Variants in EEA1 observed in about 807,000 individuals in gnomAD.
EEA1 encodes early endosome antigen 1, 162kD.
In EEA1, 111 loss-of-function variants were observed where a neutral mutation model predicts 209.2. The ratio of observed to expected loss-of-function variants is 0.53; its 90% CI spans 0.45 to 0.62. The LOEUF (loss-of-function observed/expected upper bound fraction) is 0.62. Ranked by LOEUF, EEA1 falls within the 20% of genes least tolerant of loss-of-function variation. EEA1 has a pLI of 0.00. For synonymous variants in EEA1, 536 were observed against 540.6 expected, an observed-to-expected ratio of 0.99 and a Z score of 0.12; for missense variants, 1,343 against 1,530.8, an observed-to-expected ratio of 0.88 and a Z score of 2.05.
Position 92,902,883 on chromosome 12 carries a change from A to G in EEA1, c.25-11162T>C, listed in dbSNP as rs137945246. 1.9e-3 allele frequency among the ~76,000 whole-genome samples: 288 copies of G among 151,964 alleles called. 1 individual carries two copies. The highest frequency in any genetic ancestry group is 6.6e-3 in the African/African-American group (275 of 41,452). On this transcript the variant is annotated intron_variant, in intron 1 of 28. Transcript: ENST00000322349. Reference sequence around the variant, plus strand: ...AGCTTATAAATCATAAGCAACCTATATGTTCAAAATGAAGAAACTGTTAAC... The same window carrying G: ...AGCTTATAAATCATAAGCAACCTATGTGTTCAAAATGAAGAAACTGTTAAC...
intron 17 of EEA1, among the ~76,000 whole-genome samples, chr12:92,810,331 A>G (rs1875427449): frequency 6.6e-6 from 1 of 152,158 alleles, no homozygotes; most frequent in African/African-American, 2.4e-5. Context: ...ATAAAAACTC[A>G]GTTCTAAATA....
chr12:92,877,113 T>TTTTTTTC (rs1285007980), intron 2 of EEA1, among the ~76,000 whole-genome samples: 1 of 150,330 alleles, frequency 6.7e-6, no homozygotes, highest in African/African-American at 2.4e-5. Context: ...CCAGCTAAAT[T>TTTTTTTC]TTTTTTCTTT....
At chr12:92,903,630 T>C (rs2136768432) in intron 1 of EEA1, among the ~76,000 whole-genome samples, 1 of 151,668 alleles carries the variant, frequency 6.6e-6, no homozygotes, top group East Asian at 1.9e-4. Context: ...ATGCATATGA[T>C]ATATGATACA....
chr12:92,773,047 C>T lies in EEA1; in HGVS notation c.*2964G>A, dbSNP rs1279820403. ...AATAATGTGTGGCACGTTATAATTA[C>T]AGAATACCATTCATCAAGCTCATGT... On this transcript the variant is annotated 3_prime_UTR_variant, in exon 29 of 29. Transcript: ENST00000322349. 2.6e-5 allele frequency: 4 copies of T among 152,224 alleles called. No homozygotes were observed. The highest frequency in any genetic ancestry group is 6.8e-3 in the Middle Eastern group (2 of 294). The allele number at this position is 152,224 out of a possible 1,614,324, so 9.4% of individuals were successfully genotyped here.
chr12:92,779,587 C>T (rs1308875482), intron 24 of EEA1, among the ~76,000 whole-genome samples: 1 of 152,040 alleles, frequency 6.6e-6, no homozygotes, highest in Non-Finnish European at 1.5e-5. Flanking sequence ...TTAACATTTA[C>T]TGGTCATCAT....
chr12:92,794,289 A>G (rs931426517), intron 21 of EEA1, among the ~76,000 whole-genome samples: 4 of 152,230 alleles, frequency 2.6e-5, no homozygotes, highest in Non-Finnish European at 5.9e-5. Context: ...GTGGGAGTGT[A>G]AATTAGTTCA....
At chr12:92,895,875 A>G (rs905100621) in intron 1 of EEA1, among the ~76,000 whole-genome samples, 1 of 152,216 alleles carries the variant, frequency 6.6e-6, no homozygotes, top group African/African-American at 2.4e-5. Context: ...AACCTTCATA[A>G]TGACTGTGAG....
At chr12:92,801,513 A>G (rs1874907105) in intron 20 of EEA1, 87 bp downstream of exon 20, 1 of 874,660 alleles carries the variant, frequency 1.1e-6, no homozygotes, top group African/African-American at 1.8e-5. Flanking sequence ...AATGCCCCCA[A>G]GAACAAACAT....
rs1214155455 is a variant in EEA1, at chr12:92,824,293, T to A, written c.1524+1873A>T. Among the ~76,000 whole-genome samples, 6 of 152,238 alleles carry A rather than the reference T, an allele frequency of 3.9e-5. No homozygotes were observed. The East Asian group carries it at 1.2e-3, about 29-fold the overall frequency. ...AAGCTACATCATTTCTTGTCTGGAT[T>A]ATTGTAGTAGCCTTTTAGCTAATTT... On this transcript the variant is annotated intron_variant, in intron 13 of 28. Transcript: ENST00000322349.
In EEA1 at chr12:92,772,092, G is replaced by GA. The variant is rs1024115246; in HGVS notation, c.*3918dup. 3.3e-5 allele frequency: 5 copies of GA among 151,426 alleles called. No homozygotes were observed. The highest frequency in any genetic ancestry group is 2.0e-4 in the Admixed American group (3 of 15,170). The allele number at this position is 151,426 out of a possible 1,614,324, so 9.4% of individuals were successfully genotyped here. On this transcript the variant is annotated 3_prime_UTR_variant, in exon 29 of 29. Transcript: ENST00000322349. ...ATTCTAGAACCGTGGCTCCCAGGAAGAAAAAATAGCAAAAAACAATGGCAC... is the reference window on the plus strand; with the variant it reads ...ATTCTAGAACCGTGGCTCCCAGGAAGAAAAAAATAGCAAAAAACAATGGCAC...
chr12:92,882,915 T>A (rs1231612945), intron 2 of EEA1, among the ~76,000 whole-genome samples: 1 of 152,204 alleles, frequency 6.6e-6, no homozygotes, highest in Non-Finnish European at 1.5e-5. Context: ...TAGAACAGTT[T>A]GTTTTGTTCA....
rs545937974 is a variant in EEA1 at position 92,926,126 on chromosome 12, T to G, written c.24+2917A>C. The stretch of plus-strand genomic sequence containing the variant: ...CTCCTACCTCAGCCTCCTGAGTCGC[T>G]GGGATTATAGGCATGCACCACCACT... On this transcript the variant is annotated intron_variant, in intron 1 of 28. Transcript: ENST00000322349. Among the ~76,000 whole-genome samples the G allele has an allele frequency of 2.6e-5, 4 of 152,176 alleles. No individual in the cohort carries two copies. In the East Asian group the frequency reaches 7.7e-4, roughly 29 times the overall value.
At chr12:92,839,796 G>A (rs971446241) in intron 10 of EEA1, among the ~76,000 whole-genome samples, 14 of 152,182 alleles carry the variant, frequency 9.2e-5, no homozygotes, top group African/African-American at 2.9e-4. Context: ...ATCATTTTGA[G>A]AATGTAAAAA....
At position 92,814,754 on chromosome 12, in the gene EEA1, A is replaced by G. The variant is rs535930038; in HGVS notation, c.1929+1446T>C. On this transcript the variant is annotated intron_variant, in intron 15 of 28. Transcript: ENST00000322349. Reference sequence around the variant, plus strand: ...ACAGTAAAAGCAGTGAAGTGCCCTCATACATGTGCATAATAATGTACCTTG... The same window carrying G: ...ACAGTAAAAGCAGTGAAGTGCCCTCGTACATGTGCATAATAATGTACCTTG... Among the ~76,000 whole-genome samples the G allele has an allele frequency of 7.2e-5, 11 of 152,340 alleles. No homozygotes were observed. The South Asian group carries it at 2.1e-3, about 29-fold the overall frequency.
chr12:92,789,448 T>C (rs989542401), intron 21 of EEA1, among the ~76,000 whole-genome samples: 2 of 152,094 alleles, frequency 1.3e-5, no homozygotes, highest in African/African-American at 4.8e-5. Context: ...GGTTCTTATA[T>C]CCATGTATCT....
intron 25 of EEA1, 82 bp from the exon 26 acceptor site, chr12:92,778,261 A>G (rs1873748672): frequency 8.9e-7 from 1 of 1,121,378 alleles, no homozygotes; most frequent in African/African-American, 1.6e-5. Context: ...CATTTAAAAT[A>G]CTGGCAATTT....
At chr12:92,807,679 A>G (rs1054773351) in intron 18 of EEA1, among the ~76,000 whole-genome samples, 2 of 152,176 alleles carry the variant, frequency 1.3e-5, no homozygotes, top group African/African-American at 4.8e-5. Flanking sequence ...TACATTTACA[A>G]TAGCATTAAA....
In EEA1 at chr12:92,842,546, T is replaced by A. The variant is rs774617190; in HGVS notation, c.834A>T (p.Lys278Asn). Residue 278 changes from lysine to asparagine, a missense_variant, in exon 10 of 29, where the codon AAA (lysine) becomes AAT (asparagine). Transcript: ENST00000322349. ...CATATACAGCAACTTCCTGGGGGCCTTTGGCAAGTTCACTCCTTAGCTGGC... is the reference window on the plus strand; with the variant it reads ...CATATACAGCAACTTCCTGGGGGCCATTGGCAAGTTCACTCCTTAGCTGGC... ...TISQLRSELA[K>N]GPQEVAVYVQ... The A allele has an allele frequency of 6.2e-7, 1 of 1,606,802 alleles. No individual in the cohort carries two copies. Among genetic ancestry groups the A allele is most frequent in the Admixed American group, 1.7e-5 (1 of 58,958 alleles).
chr12:92,809,061 G>A lies in EEA1; in HGVS notation c.2295C>T (p.Leu765=), dbSNP rs763922088. The change falls in exon 18 of 29, where the codon CTC becomes CTT. Residue 765 remains leucine (L), a synonymous_variant. Transcript: ENST00000322349. ...QQRQLNTDLE[L]RATELSKQLE... ...GTTGTTTACTCAATTCTGTGGCTCT[G>A]AGCTCTAAATCTGTGTTCAGCTGTC... 11 of 1,604,260 alleles carry A rather than the reference G, an allele frequency of 6.9e-6. No individual in the cohort carries two copies. Among genetic ancestry groups the A allele is most frequent in the Non-Finnish European group, 8.5e-6 (10 of 1,174,854 alleles).
Sources: allele counts gnomAD v4.1 joint callset (sites outside exome capture counted in the v4.1 genomes callset), GRCh38; gene constraint gnomAD v4.1.1; transcripts MANE v1.5; gene names NCBI Gene and HGNC (gene_info 2026-07-23, HGNC 2026-07-21).